The following TIAM2 variants were observed in gnomAD, a reference collection of about 807,000 sequenced individuals.
The protein encoded by TIAM2 is rho guanine nucleotide exchange factor TIAM2.
In TIAM2, 80 loss-of-function variants were observed where a neutral mutation model predicts 152.9. The ratio of observed to expected loss-of-function variants is 0.52; its 90% CI spans 0.44 to 0.63. The LOEUF is 0.63. Among genes scored for constraint, TIAM2 ranks in the 30% least tolerant of loss-of-function variants. The probability of loss-of-function intolerance (pLI) is 0.00; values close to 1 mark genes in which losing one functional copy is unlikely to be tolerated. For synonymous variants in TIAM2, 804 were observed against 838.0 expected (o/e 0.96, Z 0.70); for missense variants, 1,965 against 2,120.1 (o/e 0.93, Z 1.44).
At chr6:155,243,501 A>AT (rs1783155162) in intron 16 of TIAM2, among the ~76,000 whole-genome samples, 2 of 152,196 alleles carry the variant, frequency 1.3e-5, no homozygotes, top group African/African-American at 4.8e-5. Context: ...CTGTATTGTG[A>AT]TATTAAACTC....
At position 155,257,238 on chromosome 6, in the gene TIAM2, A is replaced by ATACATTTT; in HGVS notation, c.*118_*125dup. The ATACATTTT allele has an allele frequency of 8.7e-7, 1 of 1,150,446 alleles. No homozygotes were observed. Among genetic ancestry groups the ATACATTTT allele is most frequent in the Non-Finnish European group, 1.2e-6 (1 of 829,904 alleles). 71.3% of individuals were successfully genotyped at this position (1,150,446 alleles called of 1,614,324 possible). A position where few individuals can be genotyped will look rare whatever the true frequency, so the allele number is the denominator to read the frequency against. ...TGTTCATTCCTGGGTTTTGTGCAGTATACATTTTCCCACAAAATGGTTGTA... is the reference window on the plus strand; with the variant it reads ...TGTTCATTCCTGGGTTTTGTGCAGTATACATTTTTACATTTTCCCACAAAATGGTTGTA... On this transcript the variant is annotated 3_prime_UTR_variant, in exon 27 of 27. Transcript: ENST00000682666.
At position 155,214,547 on chromosome 6, in the gene TIAM2, TCTC is replaced by T. The variant is rs748388174; in HGVS notation, c.3168+3247_3168+3249del. Among the ~76,000 whole-genome samples, 1 of 152,136 alleles carries T rather than the reference TCTC, an allele frequency of 6.6e-6. No individual in the cohort carries two copies. The highest frequency in any genetic ancestry group is 1.5e-5 in the Non-Finnish European group (1 of 68,012). On this transcript the variant is annotated intron_variant, in intron 15 of 26. Transcript: ENST00000682666. This position sits in a 1 kb window ranked among gnomAD's most constrained non-coding sequence, Gnocchi z 5.4. ...CACCTTCTTCCAAATTTCTCCTCCC[TCTC>T]CTCCTCATTCCTCATGCAAAGCAAA...
At chr6:155,223,517 A>ATTTTTTTTTTTTTT (rs11389646) in intron 15 of TIAM2, among the ~76,000 whole-genome samples, 2 of 140,864 alleles carry the variant, frequency 1.4e-5, no homozygotes, top group Non-Finnish European at 1.5e-5. Context: ...ACATCCCCAG[A>ATTTTTTTTTTTTTT]TTTTTTTTTC....
chr6:155,084,130 A>G (rs1037722970), intron 1 of TIAM2, among the ~76,000 whole-genome samples: 1 of 152,190 alleles, frequency 6.6e-6, no homozygotes, highest in African/African-American at 2.4e-5. Flanking sequence ...GGGGCACTGC[A>G]TGTAGGTAAT....
In TIAM2 at chr6:155,257,035, C is replaced by T; in HGVS notation, c.5020C>T (p.Leu1674=). 1.9e-6 allele frequency: 3 copies of T among 1,614,158 alleles called. No homozygotes were observed. The highest frequency in any genetic ancestry group is 2.5e-6 in the Non-Finnish European group (3 of 1,180,038). Residue 1674 remains leucine, a synonymous_variant, in exon 27 of 27, where the codon CTA becomes TTA. Transcript: ENST00000682666. ...ENATIDLNSV[L]EREFSVQSLT... ...TGCCACCATCGACCTAAATTCTGTT[C>T]TAGAGCGAGAATTCAGTGTCCAGAG...
intron 1 of TIAM2, among the ~76,000 whole-genome samples, chr6:155,029,726 A>G (rs909774577): frequency 6.4e-5 from 9 of 140,870 alleles, no homozygotes; most frequent in African/African-American, 2.4e-4. Flanking sequence ...GAGTTATATA[A>G]CTATATAGTA....
chr6:155,251,877 C>A, intron 22 of TIAM2, 68 bp from the exon 23 acceptor site: 1 of 1,254,792 alleles, frequency 8.0e-7, no homozygotes, highest in South Asian at 1.3e-5. Context: ...TTAAGACGTT[C>A]AGCTCTAGTT....
intron 26 of TIAM2, chr6:155,256,093 A>C: frequency 3.2e-6 from 1 of 310,400 alleles, no homozygotes; most frequent in Non-Finnish European, 5.9e-6. Flanking sequence ...ATGCATAGGA[A>C]TATGGTGTGA....
chr6:155,102,253 G>A (rs1778568260), intron 2 of TIAM2, among the ~76,000 whole-genome samples: 1 of 152,194 alleles, frequency 6.6e-6, no homozygotes, highest in Non-Finnish European at 1.5e-5. Flanking sequence ...GCCTCCCAAA[G>A]TGCTGGGATT....
intron 14 of TIAM2, among the ~76,000 whole-genome samples, chr6:155,208,709 A>G (rs187128278): frequency 1.3e-5 from 2 of 152,152 alleles, no homozygotes; most frequent in Non-Finnish European, 2.9e-5. Context: ...ATAAGTGACA[A>G]AGAGGGGACC....
Position 155,214,228 on chromosome 6 carries a change from T to A in TIAM2, c.3168+2921T>A, listed in dbSNP as rs941786623. Among the ~76,000 whole-genome samples, 2 of 152,092 alleles carry A rather than the reference T, an allele frequency of 1.3e-5. No individual in the cohort carries two copies. Among genetic ancestry groups the A allele is most frequent in the African/African-American group, 4.8e-5 (2 of 41,414 alleles). The stretch of plus-strand genomic sequence containing the variant: ...TGGAACGCACAGCGCTGGCCGTGCC[T>A]CCCCCGGTGCAGCCGGCATCATCGC... On this transcript the variant is annotated intron_variant, in intron 15 of 26. Coordinates refer to ENST00000682666, the MANE Select transcript of TIAM2 (RefSeq NM_012454.4). This position sits in a 1 kb window ranked among gnomAD's most constrained non-coding sequence, Gnocchi z 5.4.
Position 155,213,335 on chromosome 6 carries a change from CA to C in TIAM2, c.3168+2029del, listed in dbSNP as rs1460429315. On this transcript the variant is annotated intron_variant, in intron 15 of 26. Transcript: ENST00000682666. The surrounding 1 kb of genome is among the most constrained non-coding windows in gnomAD (Gnocchi z 4.2). ...CAGGCTGGTTGTCCCATAGAGTGTT[CA>C]CCTCTCAGCAGAGAGCAGACCCTGG... is the stretch of plus-strand genomic sequence containing the variant. 2.6e-5 allele frequency among the ~76,000 whole-genome samples: 4 copies of C among 152,128 alleles called. No individual in the cohort carries two copies. The highest frequency in any genetic ancestry group is 2.6e-4 in the Admixed American group (4 of 15,282).
intron 5 of TIAM2, among the ~76,000 whole-genome samples, chr6:155,139,787 ATAATTAGCCTGGC>A (rs933697967): frequency 2.0e-5 from 3 of 152,112 alleles, no homozygotes; most frequent in African/African-American, 7.2e-5. Context: ...TAAAAATACA[ATAATTAGCCTGGC>A]ATGATGGCAG....
chr6:155,175,953 C>A (rs1780750048), intron 9 of TIAM2, among the ~76,000 whole-genome samples: 1 of 152,110 alleles, frequency 6.6e-6, no homozygotes, highest in African/African-American at 2.4e-5. Flanking sequence ...TTTTAAGGAA[C>A]AAATAGATTT....
chr6:155,062,558 T>A (rs1777608349), intron 1 of TIAM2, among the ~76,000 whole-genome samples: 1 of 150,362 alleles, frequency 6.7e-6, no homozygotes, highest in African/African-American at 2.4e-5. Flanking sequence ...CTCCTAGTGG[T>A]TTCTTTTTTT....
At chr6:155,025,621 AGAG>A (rs1776586066) in intron 1 of TIAM2, among the ~76,000 whole-genome samples, 1 of 152,042 alleles carries the variant, frequency 6.6e-6, no homozygotes, top group South Asian at 2.1e-4. Context: ...ACCCGGGCAA[AGAG>A]GAGGTTATTT....
intron 1 of TIAM2, among the ~76,000 whole-genome samples, chr6:155,086,158 G>A (rs1245139773): frequency 6.6e-6 from 1 of 152,180 alleles, no homozygotes; most frequent in Admixed American, 6.5e-5. Flanking sequence ...ACGCAGAGAG[G>A]GTCCTGAGGA....
At chr6:155,085,307 T>G (rs1035240121) in intron 1 of TIAM2, among the ~76,000 whole-genome samples, 12 of 152,204 alleles carry the variant, frequency 7.9e-5, no homozygotes, top group Non-Finnish European at 1.5e-4. Context: ...AGAAAATTTT[T>G]AGTAACAAAT....
At chr6:155,246,696 A>G (rs1000899276) in intron 19 of TIAM2, among the ~76,000 whole-genome samples, 1 of 152,104 alleles carries the variant, frequency 6.6e-6, no homozygotes, top group Admixed American at 6.5e-5. Context: ...GTACTTGTCA[A>G]TACATATTGA....
Sources: gnomAD v4.1 joint callset for allele counts (sites outside exome capture counted in the v4.1 genomes callset) on GRCh38, gnomAD v4.1.1 for gene constraint, Gnocchi (gnomAD v3.1) non-coding constraint, MANE v1.5 for transcripts, NCBI Gene and HGNC (gene_info 2026-07-23, HGNC 2026-07-21) for gene names.